DLG2: variants seen among roughly 807,000 people sequenced by gnomAD.
The protein encoded by DLG2 is discs large MAGUK scaffold protein 2.
In DLG2, 45 loss-of-function variants were observed where a neutral mutation model predicts 132.5. The observed-to-expected ratio is 0.34, with a 90% confidence interval of 0.27 to 0.44. The LOEUF (loss-of-function observed/expected upper bound fraction) is 0.44. DLG2 is among the 20% of genes least tolerant of loss of function. DLG2 has a pLI of 1.00. For synonymous variants in DLG2, 424 were observed against 419.6 expected (o/e 1.01, Z -0.13); for missense variants, 1,045 against 1,196.9 (o/e 0.87, Z 1.87).
intron 17 of DLG2, among the ~76,000 whole-genome samples, chr11:83,797,513 G>GTTTTGT (rs1381924820): frequency 6.7e-6 from 1 of 149,110 alleles, no homozygotes; most frequent in Non-Finnish European, 1.5e-5. Flanking sequence ...TTTTTTTTTT[G>GTTTTGT]TTTTGTTTTT....
chr11:84,167,004 C>G (rs747017544), intron 8 of DLG2: 4 of 533,288 alleles, frequency 7.5e-6, no homozygotes, highest in South Asian at 5.6e-5. Flanking sequence ...GAGAGCTTCA[C>G]AGTTGGGGTT....
At chr11:84,349,156 G>A (rs1254865487) in intron 7 of DLG2, among the ~76,000 whole-genome samples, 1 of 152,112 alleles carries the variant, frequency 6.6e-6, no homozygotes, top group Non-Finnish European at 1.5e-5. Flanking sequence ...TCCTCGTGTG[G>A]CAGGCTAAGT....
intron 4 of DLG2, among the ~76,000 whole-genome samples, chr11:85,238,864 C>T (rs929253089): frequency 4.6e-5 from 7 of 151,578 alleles, no homozygotes; most frequent in African/African-American, 1.7e-4. Context: ...CATCCTTACA[C>T]TGAATTCATT....
At chr11:85,059,532 G>A in intron 6 of DLG2, among the ~76,000 whole-genome samples, 1 of 151,620 alleles carries the variant, frequency 6.6e-6, no homozygotes, top group Non-Finnish European at 1.5e-5. Context: ...TGAACAAATA[G>A]TGAGGTGTAT....
intron 19 of DLG2, among the ~76,000 whole-genome samples, chr11:83,591,708 G>A (rs2097190109): frequency 6.6e-6 from 1 of 151,434 alleles, no homozygotes; most frequent in East Asian, 1.9e-4. Flanking sequence ...AATTGTCCCT[G>A]TTTGCAGATG....
At chr11:83,918,593 T>C (rs974821304) in intron 15 of DLG2, among the ~76,000 whole-genome samples, 6 of 152,218 alleles carry the variant, frequency 3.9e-5, no homozygotes, top group African/African-American at 1.4e-4. Context: ...AGAGGCTGAC[T>C]TTATGAGTCA....
At chr11:85,492,838 G>A (rs75993784) in intron 3 of DLG2, among the ~76,000 whole-genome samples, 6,672 of 152,020 alleles carry the variant, frequency 0.044, 216 homozygotes, top group Middle Eastern at 0.12. Context: ...CTCAAATGAC[G>A]GTTGATAGGG....
Position 84,059,274 on chromosome 11 carries a change from G to C in DLG2, c.919+41C>G, listed in dbSNP as rs372940117. The C allele has an allele frequency of 1.3e-5, 21 of 1,594,606 alleles. No individual in the cohort carries two copies. The African/African-American group carries it at 2.4e-4, about 18-fold the overall frequency. On this transcript the variant is annotated intron_variant, in intron 11 of 27. Transcript: ENST00000376104. The stretch of plus-strand genomic sequence containing the variant: ...TCGTGGCATAAACTTCAGTCAGATG[G>C]TTTGTCACTAGTGTCTGTGAGTCAT...
chr11:83,849,297 AT>A (rs1379564771), intron 16 of DLG2, among the ~76,000 whole-genome samples: 9 of 135,806 alleles, frequency 6.6e-5, no homozygotes, highest in African/African-American at 3.1e-4. Context: ...AGGGAGATAA[AT>A]AAATATAAAT....
At chr11:84,468,426 A>AC (rs35952142) in intron 7 of DLG2, among the ~76,000 whole-genome samples, 36,460 of 151,162 alleles carry the variant, frequency 0.24, 4,563 homozygotes, top group South Asian at 0.37. Context: ...AAACAACAGT[A>AC]ATCCTCCCTG....
At chr11:83,689,272 C>G (rs951817525) in intron 18 of DLG2, among the ~76,000 whole-genome samples, 1 of 152,022 alleles carries the variant, frequency 6.6e-6, no homozygotes, top group African/African-American at 2.4e-5. Flanking sequence ...ACAAGTGTTG[C>G]AATCAGAGTA....
intron 6 of DLG2, among the ~76,000 whole-genome samples, chr11:84,584,353 CT>C (rs2099523906): frequency 6.6e-6 from 1 of 151,666 alleles, no homozygotes; most frequent in Non-Finnish European, 1.5e-5. Context: ...GAACATTTTT[CT>C]GTTGTATTAT....
intron 7 of DLG2, among the ~76,000 whole-genome samples, chr11:84,455,506 T>C (rs998049840): frequency 6.6e-6 from 1 of 151,312 alleles, no homozygotes; most frequent in Non-Finnish European, 1.5e-5. Flanking sequence ...TCAGCAACCT[T>C]TGGCAAGCAA....
chr11:85,502,944 T>C (rs1190429340), intron 3 of DLG2, among the ~76,000 whole-genome samples: 1 of 152,002 alleles, frequency 6.6e-6, no homozygotes. Flanking sequence ...CACTCTACAA[T>C]GGATACATTA....
Position 84,564,124 on chromosome 11 carries a change from C to T in DLG2, c.358-29393G>A, listed in dbSNP as rs529392803. Reference sequence around the variant, plus strand: ...TCAATAAAGCACAGCCTATTTTATCCAGGGTAAGCCTATTGCAAGTGACCC... The same window carrying T: ...TCAATAAAGCACAGCCTATTTTATCTAGGGTAAGCCTATTGCAAGTGACCC... On this transcript the variant is annotated intron_variant, in intron 6 of 27. Transcript: ENST00000376104. 4.9e-4 allele frequency among the ~76,000 whole-genome samples: 74 copies of T among 152,234 alleles called. 2 individuals carry two copies. Among genetic ancestry groups the T allele is most frequent in the Admixed American group, 5.2e-4 (8 of 15,286 alleles).
chr11:83,868,101 T>C (rs1009888728), intron 16 of DLG2, among the ~76,000 whole-genome samples: 1 of 152,172 alleles, frequency 6.6e-6, no homozygotes, highest in Non-Finnish European at 1.5e-5. Context: ...GGGACAGCGA[T>C]GGTCAGAGGA....
chr11:83,631,593 T>C (rs2063566293), intron 19 of DLG2: 1 of 152,156 alleles, frequency 6.6e-6, no homozygotes, highest in African/African-American at 2.4e-5. Context: ...TTCAAATAAG[T>C]GTATTAGTTT....
chr11:84,345,691 G>C (rs2098536479), intron 7 of DLG2, among the ~76,000 whole-genome samples: 1 of 151,952 alleles, frequency 6.6e-6, no homozygotes, highest in Admixed American at 6.6e-5. Flanking sequence ...ACTTTGTAAT[G>C]ACAGAGTTGG....
chr11:84,350,174 T>TC (rs34820095), intron 7 of DLG2, among the ~76,000 whole-genome samples: 3,158 of 81,880 alleles, frequency 0.039, 65 homozygotes, highest in Non-Finnish European at 0.055. Context: ...AGAGACTTCG[T>TC]CCCCCCCCCC....
Sources: allele counts gnomAD v4.1 joint callset (sites outside exome capture counted in the v4.1 genomes callset), GRCh38; gene constraint gnomAD v4.1.1; transcripts MANE v1.5; gene names NCBI Gene and HGNC (gene_info 2026-07-23, HGNC 2026-07-21).